Variants in DCAF5 observed in about 807,000 individuals in gnomAD.
The protein encoded by DCAF5 is DDB1 and CUL4 associated factor 5, also known as DDB1- and CUL4-associated factor 5.
Under a neutral mutation model 80.7 loss-of-function variants are expected in DCAF5, and 9 were observed. That is an observed-to-expected ratio of 0.11 (90% confidence interval 0.07 to 0.19). The LOEUF (loss-of-function observed/expected upper bound fraction) is 0.19, where lower values mean the gene tolerates loss of function less well. Ranked by LOEUF, DCAF5 falls within the 10% of genes least tolerant of loss-of-function variation. DCAF5 has a pLI of 1.00. For missense variants in DCAF5, 842 were observed against 1,205.7 expected (o/e 0.70, Z 4.47); for synonymous variants, 433 against 461.9 (o/e 0.94, Z 0.80).
At chr14:69,084,126 A>G (rs1273941367) in intron 6 of DCAF5, 2 of 837,414 alleles carry the variant, frequency 2.4e-6, no homozygotes, top group Non-Finnish European at 4.2e-6. Context: ...ATGCCCAGGA[A>G]TGGAACAGGG....
intron 7 of DCAF5, among the ~76,000 whole-genome samples, chr14:69,067,791 C>G (rs1381495424): frequency 6.6e-6 from 1 of 151,890 alleles, no homozygotes; most frequent in Non-Finnish European, 1.5e-5. Flanking sequence ...CACGCACCAC[C>G]AAGCCCAGCT....
chr14:69,096,515 C>T (rs1488062537), intron 5 of DCAF5, among the ~76,000 whole-genome samples: 1 of 152,146 alleles, frequency 6.6e-6, no homozygotes, highest in Non-Finnish European at 1.5e-5. Context: ...AATGGCATAT[C>T]CAGCCCTTTC....
rs143997492 is a variant in DCAF5, at chr14:69,054,923, C to T, written c.1763G>A (p.Arg588Gln). Residue 588 changes from arginine to glutamine, a missense_variant, in exon 9 of 9, where the codon CGG (arginine) becomes CAG (glutamine). Arg to Gln is a conservative substitution (Grantham distance 43, BLOSUM62 1). Coordinates refer to ENST00000341516, the MANE Select transcript of DCAF5 (RefSeq NM_003861.3). ...TTCTCGGGTTGTCTTCTGTCGGCGC[C>T]GCATGGCATTCCGCTGCCAGGTAGA... The part of the protein sequence containing the change: ...RASTWQRNAM[R>Q]RRQKTTREDK... 78 of 1,614,084 alleles carry T rather than the reference C, an allele frequency of 4.8e-5. No individual in the cohort carries two copies. Among genetic ancestry groups the T allele is most frequent in the South Asian group, 2.9e-4 (26 of 91,084 alleles).
intron 1 of DCAF5, among the ~76,000 whole-genome samples, chr14:69,125,774 T>A (rs1465537715): frequency 6.6e-6 from 1 of 152,126 alleles, no homozygotes; most frequent in Non-Finnish European, 1.5e-5. Flanking sequence ...TAAACAAACA[T>A]GAATAAATAT....
intron 1 of DCAF5, among the ~76,000 whole-genome samples, chr14:69,132,975 T>C (rs34867305): frequency 0.01 from 1,561 of 152,330 alleles, 22 homozygotes; most frequent in Non-Finnish European, 0.012. Context: ...GAGATAGATC[T>C]GTGTAAAAGA....
intron 1 of DCAF5, among the ~76,000 whole-genome samples, chr14:69,134,315 T>C (rs1157357079): frequency 6.6e-6 from 1 of 152,206 alleles, no homozygotes; most frequent in Non-Finnish European, 1.5e-5. Flanking sequence ...AAAAAACAAC[T>C]AGCACATAAA....
intron 1 of DCAF5, among the ~76,000 whole-genome samples, chr14:69,124,564 G>A (rs569064119): frequency 1.1e-4 from 17 of 152,240 alleles, no homozygotes; most frequent in Admixed American, 8.5e-4. Context: ...TCTTAAGTGT[G>A]GCCCACAGTG....
intron 8 of DCAF5, among the ~76,000 whole-genome samples, chr14:69,060,245 G>C (rs1162293503): frequency 6.6e-6 from 1 of 152,158 alleles, no homozygotes; most frequent in African/African-American, 2.4e-5. Context: ...CAGGATGCTT[G>C]CTGCCTTCCC....
chr14:69,132,504 A>C (rs1471434441), intron 1 of DCAF5, among the ~76,000 whole-genome samples: 3 of 152,046 alleles, frequency 2.0e-5, no homozygotes, highest in Non-Finnish European at 4.4e-5. Flanking sequence ...CTATTCACTC[A>C]CCCCATCCAG....
intron 5 of DCAF5, among the ~76,000 whole-genome samples, chr14:69,105,241 G>A (rs973566653): frequency 5.9e-5 from 9 of 152,068 alleles, no homozygotes; most frequent in Admixed American, 5.2e-4. Context: ...CAATCCAAAC[G>A]GCTATCATTA....
At chr14:69,137,397 T>C (rs186772359) in intron 1 of DCAF5, among the ~76,000 whole-genome samples, 1 of 152,346 alleles carries the variant, frequency 6.6e-6, no homozygotes, top group East Asian at 1.9e-4. Flanking sequence ...CTCCTGATTA[T>C]ATCACAAATA....
intron 6 of DCAF5, among the ~76,000 whole-genome samples, chr14:69,080,239 C>A (rs779656125): frequency 1.6e-4 from 24 of 152,010 alleles, no homozygotes; most frequent in Non-Finnish European, 3.2e-4. Flanking sequence ...AAAGGATCAT[C>A]CCCTCCTGGA....
chr14:69,145,314 G>A (rs1261397937), intron 1 of DCAF5, among the ~76,000 whole-genome samples: 1 of 151,900 alleles, frequency 6.6e-6, no homozygotes, highest in Non-Finnish European at 1.5e-5. Flanking sequence ...TACTGCACCT[G>A]GCCTTAATTT....
At chr14:69,060,826 C>G (rs886724652) in intron 8 of DCAF5, among the ~76,000 whole-genome samples, 71 of 152,146 alleles carry the variant, frequency 4.7e-4, no homozygotes, top group African/African-American at 1.6e-3. Flanking sequence ...GCCACCACGC[C>G]TGGCCTCAAT....
chr14:69,076,748 TG>T, intron 6 of DCAF5, among the ~76,000 whole-genome samples: 1 of 152,362 alleles, frequency 6.6e-6, no homozygotes, highest in African/African-American at 2.4e-5. Flanking sequence ...CACTGAACTG[TG>T]TATTTTTAAA....
Position 69,052,721 on chromosome 14 carries a change from T to C in DCAF5, c.*1136A>G, listed in dbSNP as rs1408711974. ...ACCTTCTGACTCCTAATAGACCTACTCAATAAGAATCTGTTACCTTGAGAT... is the reference window on the plus strand; with the variant it reads ...ACCTTCTGACTCCTAATAGACCTACCCAATAAGAATCTGTTACCTTGAGAT... On this transcript the variant is annotated 3_prime_UTR_variant, in exon 9 of 9. Coordinates refer to ENST00000341516, the MANE Select transcript of DCAF5 (RefSeq NM_003861.3). 6.6e-6 allele frequency: 1 copy of C among 152,190 alleles called. No homozygotes were observed. Among genetic ancestry groups the C allele is most frequent in the East Asian group, 1.9e-4 (1 of 5,198 alleles). 9.4% of individuals were successfully genotyped at this position (152,190 alleles called of 1,614,324 possible). A position where few individuals can be genotyped will look rare whatever the true frequency, so the allele number is the denominator to read the frequency against.
intron 1 of DCAF5, among the ~76,000 whole-genome samples, chr14:69,147,484 G>T (rs2041574346): frequency 6.6e-6 from 1 of 152,054 alleles, no homozygotes; most frequent in Non-Finnish European, 1.5e-5. Flanking sequence ...ACATGGGTGA[G>T]GAAACAGACA....
At chr14:69,102,389 G>A (rs1002258910) in intron 5 of DCAF5, among the ~76,000 whole-genome samples, 17 of 151,962 alleles carry the variant, frequency 1.1e-4, no homozygotes, top group Non-Finnish European at 5.9e-5. Flanking sequence ...TTACGGGCAT[G>A]AGCCACCGCG....
chr14:69,122,966 T>TTTTTAC (rs1280425786), intron 1 of DCAF5, among the ~76,000 whole-genome samples: 1 of 152,352 alleles, frequency 6.6e-6, no homozygotes, highest in African/African-American at 2.4e-5. Context: ...CCATTTTTAC[T>TTTTTAC]TTTTACTTTT....
Sources: allele counts gnomAD v4.1 joint callset (sites outside exome capture counted in the v4.1 genomes callset), GRCh38; gene constraint gnomAD v4.1.1; transcripts MANE v1.5; gene names NCBI Gene and HGNC (gene_info 2026-07-23, HGNC 2026-07-21).